Variants in SEPTIN9 observed in about 807,000 individuals in gnomAD.
SEPTIN9 encodes the protein septin 9.
Under a neutral mutation model 56.6 loss-of-function variants are expected in SEPTIN9, and 13 were observed. That is an observed-to-expected ratio of 0.23 (90% CI 0.15 to 0.37). The LOEUF is 0.37. SEPTIN9 is among the 10% of genes least tolerant of loss of function. The pLI, the probability that SEPTIN9 is intolerant of heterozygous loss-of-function variation, is 1.00. For synonymous variants in SEPTIN9, 332 were observed against 334.1 expected, an observed-to-expected ratio of 0.99 and a Z score of 0.07; for missense variants, 650 against 823.1, an observed-to-expected ratio of 0.79 and a Z score of 2.57.
chr17:77,498,675 C>CCCCCGGAT lies in SEPTIN9; in HGVS notation c.*20_*21insCGGATCCC. On this transcript the variant is annotated 3_prime_UTR_variant, in exon 12 of 12. Coordinates refer to ENST00000427177, the MANE Select transcript of SEPTIN9 (RefSeq NM_001113491.2). ...GAGATGTAGACGCCACCCTGCCCAC[C>CCCCCGGAT]CCCGGGATCCTGCCCCCAAGTCATT... The CCCCCGGAT allele has an allele frequency of 3.9e-6, 6 of 1,525,126 alleles. No homozygotes were observed. The highest frequency in any genetic ancestry group is 3.5e-5 in the South Asian group (3 of 86,020). 94.5% of individuals were successfully genotyped at this position (1,525,126 alleles called of 1,614,324 possible).
rs2033318402 is a variant in SEPTIN9, at chr17:77,330,782, TC to T, written c.76+23586del. 3.3e-5 allele frequency among the ~76,000 whole-genome samples: 5 copies of T among 152,230 alleles called. No homozygotes were observed. The highest frequency in any genetic ancestry group is 7.3e-5 in the Non-Finnish European group (5 of 68,030). On this transcript the variant is annotated intron_variant, in intron 2 of 11. Transcript: ENST00000427177. This position sits in a 1 kb window ranked among gnomAD's most constrained non-coding sequence, Gnocchi z 4.4. Reference sequence around the variant, plus strand: ...CAGAAGGGAACCCCGGGCCTGGGCCTCTCCATTCTGTGGCGTTGTCTTTCCT... The same window carrying T: ...CAGAAGGGAACCCCGGGCCTGGGCCTTCCATTCTGTGGCGTTGTCTTTCCT...
At chr17:77,325,659 T>C (rs1170040279) in intron 2 of SEPTIN9, among the ~76,000 whole-genome samples, 1 of 152,198 alleles carries the variant, frequency 6.6e-6, no homozygotes, top group African/African-American at 2.4e-5. Flanking sequence ...CTTCAGGCCA[T>C]GGAGGCTGAG....
chr17:77,486,627 G>T (rs1201388703), intron 4 of SEPTIN9, among the ~76,000 whole-genome samples: 1 of 151,912 alleles, frequency 6.6e-6, no homozygotes, highest in Non-Finnish European at 1.5e-5. Context: ...TGTGTGTGTT[G>T]TGAGTTGTGC....
intron 2 of SEPTIN9, among the ~76,000 whole-genome samples, chr17:77,309,905 G>A (rs957284550): frequency 1.3e-5 from 2 of 151,916 alleles, no homozygotes; most frequent in Non-Finnish European, 2.9e-5. Context: ...TGCGGTGCCC[G>A]CCCCTCTGGA....
In SEPTIN9 at chr17:77,428,535, G is replaced by A. The variant is rs575235258; in HGVS notation, c.721+25832G>A. 7.0e-4 allele frequency among the ~76,000 whole-genome samples: 106 copies of A among 152,342 alleles called. 1 individual carries two copies. Among genetic ancestry groups the A allele is most frequent in the African/African-American group, 2.4e-3 (99 of 41,572 alleles). On this transcript the variant is annotated intron_variant, in intron 3 of 11. Transcript: ENST00000427177. ...ATTCGAAATTGAAGCAAAGCTGGTC[G>A]TGTCACAGGCTCGGCAGATGTTAGC... is the stretch of plus-strand genomic sequence containing the variant.
intron 7 of SEPTIN9, 38 bp downstream of exon 7, chr17:77,488,902 C>T (rs773739255): frequency 8.7e-6 from 14 of 1,608,808 alleles, no homozygotes; most frequent in Admixed American, 1.7e-5. Context: ...ATGCCGGGTG[C>T]CCTGGGTTCC....
chr17:77,318,170 A>G lies in SEPTIN9; in HGVS notation c.76+10973A>G, dbSNP rs1326819291. On this transcript the variant is annotated intron_variant, in intron 2 of 11. Coordinates refer to ENST00000427177, the MANE Select transcript of SEPTIN9 (RefSeq NM_001113491.2). The surrounding 1 kb of genome is among the most constrained non-coding windows in gnomAD (Gnocchi z 4.9). ...CCTGAAACCGATCCCAGGTGCCAAA[A>G]AGGTTGGGGGCCACTGCCTTCATCG... Among the ~76,000 whole-genome samples the G allele has an allele frequency of 6.6e-6, 1 of 152,068 alleles. No homozygotes were observed. The highest frequency in any genetic ancestry group is 1.5e-5 in the Non-Finnish European group (1 of 68,006).
chr17:77,475,595 C>T lies in SEPTIN9; in HGVS notation c.722-6549C>T, dbSNP rs2039176260. The T allele has an allele frequency of 1.2e-6, 2 of 1,613,434 alleles. No individual in the cohort carries two copies. The highest frequency in any genetic ancestry group is 1.1e-5 in the South Asian group (1 of 91,058). On this transcript the variant is annotated intron_variant, in intron 3 of 11. Coordinates refer to ENST00000427177, the MANE Select transcript of SEPTIN9 (RefSeq NM_001113491.2). This position sits in a 1 kb window ranked among gnomAD's most constrained non-coding sequence, Gnocchi z 4.6. ...GGGTGCTGGCCCCAGGGTCTGGATT[C>T]AGGGGAGCCTGCAGAGGGAGGGCAG...
At chr17:77,428,209 G>T (rs902758754) in intron 3 of SEPTIN9, among the ~76,000 whole-genome samples, 7 of 152,336 alleles carry the variant, frequency 4.6e-5, no homozygotes, top group African/African-American at 1.7e-4. Flanking sequence ...TGGGACACTG[G>T]CAAGGAAGCA....
chr17:77,454,172 C>T (rs1381176600), intron 3 of SEPTIN9: 6 of 985,454 alleles, frequency 6.1e-6, no homozygotes, highest in African/African-American at 5.2e-5. Context: ...CACAGAGCAT[C>T]GATACCACCT....
intron 2 of SEPTIN9, among the ~76,000 whole-genome samples, chr17:77,337,018 T>A (rs946365988): frequency 3.7e-4 from 49 of 132,604 alleles, no homozygotes; most frequent in African/African-American, 1.1e-3. Flanking sequence ...TTTTTTTTTT[T>A]AAAGAAACAG....
chr17:77,428,935 T>C (rs2037018189), intron 3 of SEPTIN9: 1 of 442,328 alleles, frequency 2.3e-6, no homozygotes, highest in South Asian at 1.6e-5. Context: ...AATGATATAA[T>C]GTAAGAAGCA....
At chr17:77,337,018 T>TTA (rs1555648510) in intron 2 of SEPTIN9, among the ~76,000 whole-genome samples, 13 of 132,618 alleles carry the variant, frequency 9.8e-5, no homozygotes, top group African/African-American at 2.6e-4. Context: ...TTTTTTTTTT[T>TTA]AAAGAAACAG....
chr17:77,497,076 G>A (rs1037805547), intron 10 of SEPTIN9: 5 of 599,336 alleles, frequency 8.3e-6, no homozygotes, highest in African/African-American at 1.8e-5. Context: ...TGGAGAGCAG[G>A]AGCTGAGCTG....
At position 77,405,003 on chromosome 17, in the gene SEPTIN9, C is replaced by T; in HGVS notation, c.721+2300C>T. On this transcript the variant is annotated intron_variant, in intron 3 of 11. Transcript: ENST00000427177. The surrounding 1 kb of genome is among the most constrained non-coding windows in gnomAD (Gnocchi z 5.8). ...TTTGTTTGACGTGCCGGATACACCCCCATCCTGGGTTGATGTGTTCACACT... is the reference window on the plus strand; with the variant it reads ...TTTGTTTGACGTGCCGGATACACCCTCATCCTGGGTTGATGTGTTCACACT... The T allele has an allele frequency of 1.5e-6, 2 of 1,342,322 alleles. No homozygotes were observed. Among genetic ancestry groups the T allele is most frequent in the Non-Finnish European group, 2.0e-6 (2 of 985,818 alleles). The allele number at this position is 1,342,322 out of a possible 1,614,324, so 83.2% of individuals were successfully genotyped here. A position where few individuals can be genotyped will look rare whatever the true frequency, so the allele number is the denominator to read the frequency against.
At chr17:77,309,152 G>C (rs981193551) in intron 2 of SEPTIN9, among the ~76,000 whole-genome samples, 3 of 152,228 alleles carry the variant, frequency 2.0e-5, no homozygotes, top group Admixed American at 6.5e-5. Flanking sequence ...TTCTTGTGGG[G>C]GTTGCATCTT....
rs58969223 is a variant in SEPTIN9, at chr17:77,326,387, GA to G, written c.76+19192del. ...GACAAAGGGGACCAGTGGCAGGACA[GA>G]ACCTGCGGTTCGTAGGACCAGGTCA... On this transcript the variant is annotated intron_variant, in intron 2 of 11. Transcript: ENST00000427177. This position sits in a 1 kb window ranked among gnomAD's most constrained non-coding sequence, Gnocchi z 5.1. 0.052 allele frequency among the ~76,000 whole-genome samples: 7,947 copies of G among 152,278 alleles called. 328 individuals are homozygous for G. The highest frequency in any genetic ancestry group is 0.24 in the East Asian group (1,229 of 5,164).
intron 1 of SEPTIN9, among the ~76,000 whole-genome samples, chr17:77,295,686 G>C (rs1035647409): frequency 6.6e-6 from 1 of 152,252 alleles, no homozygotes; most frequent in Admixed American, 6.5e-5. Flanking sequence ...GCAAACAGGA[G>C]CTCCCCTCTC....
intron 3 of SEPTIN9, among the ~76,000 whole-genome samples, chr17:77,474,022 C>G (rs1348902541): frequency 6.6e-6 from 1 of 152,162 alleles, no homozygotes; most frequent in Non-Finnish European, 1.5e-5. Context: ...TTTCCTTTAC[C>G]TGCATTTCCT....
Sources: gnomAD v4.1 joint callset for allele counts (sites outside exome capture counted in the v4.1 genomes callset) on GRCh38, gnomAD v4.1.1 for gene constraint, Gnocchi (gnomAD v3.1) non-coding constraint, MANE v1.5 for transcripts, NCBI Gene and HGNC (gene_info 2026-07-23, HGNC 2026-07-21) for gene names.